The following SLC5A4 variants were observed in gnomAD, a reference collection of about 807,000 sequenced individuals.
SLC5A4 encodes solute carrier family 5 member 4, also known as probable glucose sensor protein SLC5A4.
A neutral mutation model predicts 70.3 loss-of-function variants in SLC5A4; 55 were observed. The observed-to-expected ratio is 0.78, with a 90% CI of 0.63 to 0.98. The LOEUF is 0.98. Ranked by LOEUF, SLC5A4 falls within the 50% of genes least tolerant of loss-of-function variation. SLC5A4 has a pLI of 0.00. For missense variants in SLC5A4, 735 were observed against 839.2 expected, an observed-to-expected ratio of 0.88 and a Z score of 1.53; for synonymous variants, 268 against 305.7, an observed-to-expected ratio of 0.88 and a Z score of 1.29.
chr22:32,226,439 ATTTACTGCAG>A (rs1925403564), intron 11 of SLC5A4, among the ~76,000 whole-genome samples: 1 of 152,164 alleles, frequency 6.6e-6, no homozygotes, highest in South Asian at 2.1e-4. Context: ...AACCGACGCA[ATTTACTGCAG>A]TGTGCGTAAA....
chr22:32,331,979 C>T, the SLC5A4 span, among the ~76,000 whole-genome samples: 3 of 152,226 alleles, frequency 2.0e-5, no homozygotes, highest in Non-Finnish European at 2.9e-5. Flanking sequence ...ATCTCCCAGG[C>T]TGCTCAGCCC....
chr22:32,254,328 C>A, intron 1 of SLC5A4, 115 bp from the exon 2 acceptor site: 1 of 715,534 alleles, frequency 1.4e-6, no homozygotes, highest in South Asian at 1.6e-5. Flanking sequence ...CAGAGAGAAA[C>A]ATTTCGCTGG....
At chr22:32,339,456 C>A in the SLC5A4 span, among the ~76,000 whole-genome samples, 2 of 152,170 alleles carry the variant, frequency 1.3e-5, no homozygotes, top group African/African-American at 2.4e-5. Context: ...AGCTCTGATT[C>A]GAAGACTACG....
At chr22:32,323,900 A>T in the SLC5A4 span, among the ~76,000 whole-genome samples, 1 of 148,896 alleles carries the variant, frequency 6.7e-6, no homozygotes, top group African/African-American at 2.4e-5. Context: ...CTGCAGGCTG[A>T]TATGTTAAAG....
the SLC5A4 span, chr22:32,272,739 C>T: frequency 0.063 from 32,461 of 515,974 alleles, 1,325 homozygotes; most frequent in Middle Eastern, 0.086. Context: ...CTATAGGACC[C>T]TGTGCCAGGG....
chr22:32,265,260 C>T, the SLC5A4 span, among the ~76,000 whole-genome samples: 1 of 152,182 alleles, frequency 6.6e-6, no homozygotes, highest in Non-Finnish European at 1.5e-5. Flanking sequence ...TGGTAGCACA[C>T]ACTGGTAGTC....
At chr22:32,312,359 G>GCA in the SLC5A4 span, among the ~76,000 whole-genome samples, 6 of 79,888 alleles carry the variant, frequency 7.5e-5, no homozygotes, top group Admixed American at 4.8e-4. Context: ...AATCACACGC[G>GCA]CGCGCGCACA....
At chr22:32,255,046 A>G (rs1927397582) in intron 1 of SLC5A4, 149 bp downstream of exon 1, 1 of 772,320 alleles carries the variant, frequency 1.3e-6, no homozygotes, top group Non-Finnish European at 2.2e-6. Flanking sequence ...AGTTCATTGT[A>G]AGCGTTATTT....
chr22:32,281,515 C>T, the SLC5A4 span, among the ~76,000 whole-genome samples: 1 of 152,158 alleles, frequency 6.6e-6, no homozygotes, highest in Admixed American at 6.5e-5. Flanking sequence ...ATTGTTTCTC[C>T]ATCTTTATTT....
chr22:32,268,691 T>C, the SLC5A4 span: 15 of 152,294 alleles, frequency 9.8e-5, no homozygotes, highest in African/African-American at 3.1e-4. Flanking sequence ...ACCTGAAATA[T>C]TTATGCCCCC....
At chr22:32,281,175 C>T in the SLC5A4 span, among the ~76,000 whole-genome samples, 9 of 152,358 alleles carry the variant, frequency 5.9e-5, no homozygotes, top group South Asian at 2.1e-4. Context: ...ATTCATGTCA[C>T]GTCTTGCTGC....
At chr22:32,308,717 A>G in the SLC5A4 span, among the ~76,000 whole-genome samples, 1 of 152,144 alleles carries the variant, frequency 6.6e-6, no homozygotes, top group Non-Finnish European at 1.5e-5. Context: ...GCTGCTTTCT[A>G]GAGCATTGGA....
intron 4 of SLC5A4, among the ~76,000 whole-genome samples, chr22:32,248,397 G>A (rs970328193): frequency 1.3e-5 from 2 of 152,020 alleles, no homozygotes; most frequent in African/African-American, 2.4e-5. Context: ...GGGTCAAAGA[G>A]CTGAAACTCA....
chr22:32,280,354 G>A, the SLC5A4 span, among the ~76,000 whole-genome samples: 1 of 152,116 alleles, frequency 6.6e-6, no homozygotes, highest in Admixed American at 6.6e-5. Context: ...CTTCCCCAGT[G>A]AGAATGTCAA....
At chr22:32,306,049 A>C in the SLC5A4 span, among the ~76,000 whole-genome samples, 2 of 152,098 alleles carry the variant, frequency 1.3e-5, no homozygotes, top group Non-Finnish European at 2.9e-5. Context: ...TCCCCTACAG[A>C]ATGACAAATT....
chr22:32,285,627 G>A, the SLC5A4 span, among the ~76,000 whole-genome samples: 1 of 151,722 alleles, frequency 6.6e-6, no homozygotes, highest in Non-Finnish European at 1.5e-5. Context: ...TTTGTTGAGA[G>A]TGTTGATATA....
intron 8 of SLC5A4, among the ~76,000 whole-genome samples, chr22:32,233,861 CAAA>C (rs200295046): frequency 1.5e-5 from 2 of 130,704 alleles, no homozygotes; most frequent in Non-Finnish European, 1.7e-5. Context: ...TTCCAGGAAC[CAAA>C]AAAAAAAAAA....
At position 32,220,965 on chromosome 22, in the gene SLC5A4, C is replaced by A. The variant is rs370748843; in HGVS notation, c.1723G>T (p.Ala575Ser). The A allele has an allele frequency of 1.1e-4, 170 of 1,613,874 alleles. No individual in the cohort carries two copies. The highest frequency in any genetic ancestry group is 1.4e-4 in the Non-Finnish European group (167 of 1,179,868). Reference protein sequence around the residue: ...NSTEERIDIDAEEKSQEETDD... With the variant: ...NSTEERIDIDSEEKSQEETDD... ...GTTTCTTCCTGACTTTTCTCTTCTG[C>A]ATCTATATCGATTCGCTCCTCTGTA... is the stretch of plus-strand genomic sequence containing the variant. Residue 575 changes from alanine (A) to serine (S), a missense_variant, in exon 14 of 15, where the codon GCA (alanine) becomes TCA (serine). Coordinates refer to ENST00000266086, the MANE Select transcript of SLC5A4 (RefSeq NM_014227.3).
At chr22:32,330,231 ATGTTGGGGTCTCTG>A in the SLC5A4 span, among the ~76,000 whole-genome samples, 4 of 92,528 alleles carry the variant, frequency 4.3e-5, no homozygotes, top group Non-Finnish European at 6.1e-5. Context: ...TCTGGTGTAT[ATGTTGGGGTCTCTG>A]TGTTGGGGGG....
Sources: allele counts gnomAD v4.1 joint callset (sites outside exome capture counted in the v4.1 genomes callset), GRCh38; gene constraint gnomAD v4.1.1; transcripts MANE v1.5; gene names NCBI Gene and HGNC (gene_info 2026-07-23, HGNC 2026-07-21).